WNT10A: variants seen among roughly 807,000 people sequenced by gnomAD.
WNT10A encodes the protein Wnt family member 10A.
Under a neutral mutation model 36.1 loss-of-function variants are expected in WNT10A, and 37 were observed. The observed-to-expected ratio is 1.02, with a 90% CI of 0.79 to 1.35. The LOEUF (loss-of-function observed/expected upper bound fraction) is 1.35, where lower values mean the gene tolerates loss of function less well. Among genes scored for constraint, WNT10A ranks in the 40% most tolerant of loss-of-function variants. WNT10A has a pLI of 0.00. For missense variants in WNT10A, 613 were observed against 601.4 expected, an observed-to-expected ratio of 1.02 and a Z score of -0.20; for synonymous variants, 255 against 254.1, an observed-to-expected ratio of 1.00 and a Z score of -0.03.
At chr2:218,879,883 C>A (rs79447856), upstream of WNT10A, among the ~76,000 whole-genome samples, 5,472 of 152,328 alleles carry the variant, frequency 0.036, 352 homozygotes, top group African/African-American at 0.12. Context: ...AACGCCTCCT[C>A]CCAGGACGTG....
At chr2:218,885,957 G>T (rs528292458) in intron 2 of WNT10A, among the ~76,000 whole-genome samples, 2 of 152,296 alleles carry the variant, frequency 1.3e-5, no homozygotes, top group Admixed American at 1.3e-4. Context: ...GTCCCCATGT[G>T]GTAGGTCCTA....
At chr2:218,883,671 A>G (rs1022168968) in intron 2 of WNT10A, among the ~76,000 whole-genome samples, 3 of 150,668 alleles carry the variant, frequency 2.0e-5, no homozygotes, top group African/African-American at 7.4e-5. Flanking sequence ...GCCGCGGCAG[A>G]CGGCTCCCGG....
At chr2:218,874,621 T>G in the WNT10A span, among the ~76,000 whole-genome samples, 2 of 152,068 alleles carry the variant, frequency 1.3e-5, no homozygotes, top group Non-Finnish European at 2.9e-5. Context: ...CTCATCTTCC[T>G]CCAGAGAGAA....
chr2:218,878,562 C>A (rs1271600103), upstream of WNT10A, among the ~76,000 whole-genome samples: 1 of 152,162 alleles, frequency 6.6e-6, no homozygotes, highest in Middle Eastern at 3.4e-3. The surrounding 1 kb of genome is among the most constrained non-coding windows in gnomAD (Gnocchi z 4.1). Context: ...GAGTCCCCAC[C>A]AGAATCACTG....
chr2:218,889,942 A>C (rs375166971), intron 2 of WNT10A, 42 bp from the exon 3 acceptor site: 60 of 1,610,842 alleles, frequency 3.7e-5, no homozygotes, highest in Non-Finnish European at 4.7e-5. Flanking sequence ...TGGGGTGTCA[A>C]GGCCCCTCCA....
At chr2:218,889,592 G>A (rs1303789977) in intron 2 of WNT10A, among the ~76,000 whole-genome samples, 2 of 152,146 alleles carry the variant, frequency 1.3e-5, no homozygotes, top group Non-Finnish European at 2.9e-5. Context: ...CTCATTCTGT[G>A]GGCTTATTTT....
In WNT10A at chr2:218,893,641, C is replaced by T. The variant is rs557279615; in HGVS notation, c.*370C>T. 4.9e-5 allele frequency: 13 copies of T among 264,098 alleles called. No homozygotes were observed. The highest frequency in any genetic ancestry group is 2.4e-4 in the African/African-American group (11 of 45,434). 16.4% of individuals were successfully genotyped at this position (264,098 alleles called of 1,614,324 possible). ...ATGGGAGGTGGGGAATGAATGGAAG[C>T]TGACGGGCAGAGAGAGGAGGATTAA... On this transcript the variant is annotated 3_prime_UTR_variant, in exon 4 of 4. Coordinates refer to ENST00000258411, the MANE Select transcript of WNT10A (RefSeq NM_025216.3). The surrounding 1 kb of genome is among the most constrained non-coding windows in gnomAD (Gnocchi z 6.3).
chr2:218,884,985 A>C (rs896024498), intron 2 of WNT10A, among the ~76,000 whole-genome samples: 3 of 152,178 alleles, frequency 2.0e-5, no homozygotes, highest in African/African-American at 7.2e-5. Context: ...GCCTTCTTTA[A>C]TGCTGTTACT....
At chr2:218,892,569 T>C (rs1944665743) in intron 3 of WNT10A, among the ~76,000 whole-genome samples, 2 of 151,746 alleles carry the variant, frequency 1.3e-5, no homozygotes, top group Non-Finnish European at 2.9e-5. Context: ...CCTGGCCTGG[T>C]GGGAGGTGGG....
At chr2:218,882,505 C>G in intron 2 of WNT10A, 82 bp downstream of exon 2, 1 of 1,554,332 alleles carries the variant, frequency 6.4e-7, no homozygotes, top group Middle Eastern at 1.9e-4. Context: ...TTCTAACCCA[C>G]TGCCTCAAGC....
chr2:218,892,419 G>C (rs1490654411), intron 3 of WNT10A, among the ~76,000 whole-genome samples: 3 of 151,864 alleles, frequency 2.0e-5, no homozygotes, highest in African/African-American at 7.3e-5. Flanking sequence ...CTACCCCAGG[G>C]GTGGCAGGAG....
At chr2:218,892,630 C>T in intron 3 of WNT10A, 144 bp from the exon 4 acceptor site, 1 of 1,324,458 alleles carries the variant, frequency 7.6e-7, no homozygotes, top group Non-Finnish European at 1.0e-6. Flanking sequence ...GTTCTTCTGA[C>T]TGCCTGGTTG....
Position 218,892,936 on chromosome 2 carries a change from G to A in WNT10A, c.919G>A (p.Gly307Ser). Residue 307 changes from glycine (G) to serine (S), a missense_variant, in exon 4 of 4, where the codon GGC becomes AGC. Coordinates refer to ENST00000258411, the MANE Select transcript of WNT10A (RefSeq NM_025216.3). ...ATLIRPHNRNGGQLEPGPAGA... is the reference protein window; with the variant it reads ...ATLIRPHNRNSGQLEPGPAGA... Reference sequence around the variant, plus strand: ...GCTCATCCGGCCGCACAACCGCAACGGCGGCCAGCTGGAGCCGGGCCCAGC... The same window carrying A: ...GCTCATCCGGCCGCACAACCGCAACAGCGGCCAGCTGGAGCCGGGCCCAGC... The A allele has an allele frequency of 6.8e-7, 1 of 1,480,264 alleles. No homozygotes were observed. The highest frequency in any genetic ancestry group is 8.9e-7 in the Non-Finnish European group (1 of 1,118,188). The allele number at this position is 1,480,264 out of a possible 1,614,324, so 91.7% of individuals were successfully genotyped here. A position where few individuals can be genotyped will look rare whatever the true frequency, so the allele number is the denominator to read the frequency against.
At chr2:218,887,922 G>C (rs1179954528) in intron 2 of WNT10A, among the ~76,000 whole-genome samples, 1 of 152,234 alleles carries the variant, frequency 6.6e-6, no homozygotes, top group Non-Finnish European at 1.5e-5. Flanking sequence ...CTGAGGCACA[G>C]GGAGGTTAAG....
intron 2 of WNT10A, among the ~76,000 whole-genome samples, chr2:218,882,966 G>T (rs927826297): frequency 7.2e-5 from 11 of 152,226 alleles, no homozygotes; most frequent in African/African-American, 2.4e-4. Flanking sequence ...CTCTGAATCA[G>T]AGGTGCTGGG....
upstream of WNT10A, among the ~76,000 whole-genome samples, chr2:218,878,051 C>T (rs1003032505): frequency 6.6e-6 from 1 of 152,188 alleles, no homozygotes; most frequent in African/African-American, 2.4e-5. This position sits in a 1 kb window ranked among gnomAD's most constrained non-coding sequence, Gnocchi z 4.1. Flanking sequence ...CCTTTCATCC[C>T]CAGTGCTCCC....
intron 2 of WNT10A, among the ~76,000 whole-genome samples, chr2:218,888,304 C>A (rs1410393990): frequency 1.3e-5 from 2 of 152,200 alleles, no homozygotes; most frequent in Non-Finnish European, 2.9e-5. Context: ...GAGAATGGGA[C>A]CCTCCTTTGC....
intron 2 of WNT10A, 38 bp downstream of exon 2, chr2:218,882,461 C>T: frequency 6.2e-7 from 1 of 1,612,530 alleles, no homozygotes; most frequent in Non-Finnish European, 8.5e-7. Flanking sequence ...CTGCCCCATC[C>T]AGCATCTCCA....
chr2:218,876,723 C>G (rs1944456247), upstream of WNT10A, among the ~76,000 whole-genome samples: 1 of 152,202 alleles, frequency 6.6e-6, no homozygotes, highest in African/African-American at 2.4e-5. Context: ...CAAAGCTCTG[C>G]TCTTATCTTC....
Sources: gnomAD v4.1 joint callset for allele counts (sites outside exome capture counted in the v4.1 genomes callset) on GRCh38, gnomAD v4.1.1 for gene constraint, Gnocchi (gnomAD v3.1) non-coding constraint, MANE v1.5 for transcripts, NCBI Gene and HGNC (gene_info 2026-07-23, HGNC 2026-07-21) for gene names.